Variants in DNAH6 observed in about 807,000 individuals in gnomAD.
DNAH6 encodes the protein dynein axonemal heavy chain 6.
In DNAH6, 340 loss-of-function variants were observed where a neutral mutation model predicts 491.4. That is an observed-to-expected ratio of 0.69 (90% CI 0.63 to 0.76). The LOEUF (loss-of-function observed/expected upper bound fraction) is 0.76, where lower values mean the gene tolerates loss of function less well. Ranked by LOEUF, DNAH6 falls within the 30% of genes least tolerant of loss-of-function variation. DNAH6 has a pLI of 0.00. For missense variants in DNAH6, 4,443 were observed against 4,972.2 expected (o/e 0.89, Z 3.20); for synonymous variants, 1,603 against 1,686.1 (o/e 0.95, Z 1.21).
chr2:84,519,097 C>A (rs1209496307), intron 2 of DNAH6, among the ~76,000 whole-genome samples: 1 of 152,044 alleles, frequency 6.6e-6, no homozygotes, highest in South Asian at 2.1e-4. Context: ...TCAGAAGAGA[C>A]TGCTTTAGAT....
At chr2:84,487,097 C>A in the DNAH6 span, among the ~76,000 whole-genome samples, 1 of 152,178 alleles carries the variant, frequency 6.6e-6, no homozygotes, top group African/African-American at 2.4e-5. Flanking sequence ...CTTTCTTATT[C>A]ATTTACCATA....
intron 58 of DNAH6, among the ~76,000 whole-genome samples, chr2:84,716,121 A>C (rs556745516): frequency 1.4e-4 from 21 of 150,294 alleles, no homozygotes; most frequent in South Asian, 1.3e-3. Flanking sequence ...ATATATATAC[A>C]CATATATACA....
Position 84,653,346 on chromosome 2 carries a change from A to G in DNAH6, c.5106A>G (p.Gly1702=). 6.5e-7 allele frequency: 1 copy of G among 1,536,682 alleles called. No homozygotes were observed. The highest frequency in any genetic ancestry group is 8.8e-7 in the Non-Finnish European group (1 of 1,138,826). The change falls in exon 34 of 77, where the codon GGA becomes GGG. Residue 1702 remains glycine, a synonymous_variant. Transcript: ENST00000389394. ...FSGIISDLFP[G]VQIPEHDYGI... ...GAATCATATCTGACCTTTTTCCTGG[A>G]GTCCAAATTCCAGAACATGATTATG...
chr2:84,782,121 A>G (rs900606710), intron 65 of DNAH6, among the ~76,000 whole-genome samples: 10 of 152,210 alleles, frequency 6.6e-5, no homozygotes, highest in Admixed American at 4.6e-4. Flanking sequence ...CACCTAACCC[A>G]TGGGCGTGCT....
At chr2:84,812,927 TG>T in intron 73 of DNAH6, 130 bp from the exon 74 acceptor site, 1 of 696,678 alleles carries the variant, frequency 1.4e-6, no homozygotes, top group Non-Finnish European at 2.5e-6. Flanking sequence ...GGCAGTGAAA[TG>T]GGGGTGGTGA....
chr2:84,755,266 G>GCTCTCTTGCC (rs906457787), intron 63 of DNAH6, among the ~76,000 whole-genome samples: 2 of 152,170 alleles, frequency 1.3e-5, no homozygotes, highest in Admixed American at 1.3e-4. Context: ...TTGCTGTCTT[G>GCTCTCTTGCC]CTCTCTTGCC....
rs1698267474 is a variant in DNAH6, at chr2:84,722,658, G to A, written c.9826G>A (p.Glu3276Lys). 1 of 1,550,220 alleles carries A rather than the reference G, an allele frequency of 6.5e-7. No individual in the cohort carries two copies. Among genetic ancestry groups the A allele is most frequent in the African/African-American group, 1.4e-5 (1 of 72,906 alleles). Residue 3276 changes from glutamate to lysine, a missense_variant, in exon 60 of 77, where the codon GAA (glutamate) becomes AAA (lysine). Around this residue, in one of 3 missense-constraint regions of DNAH6, gnomAD observed 1,463 missense variants for 1,656.6 expected, o/e 0.88. Coordinates refer to ENST00000389394, the MANE Select transcript of DNAH6 (RefSeq NM_001370.2). ...TGGTGCCATTAAAACCAGGCTGGAA[G>A]AAGCAGAGTCCACTGAGCAGATGAT... ...TSGAIKTRLE[E>K]AESTEQMINV...
the DNAH6 span, among the ~76,000 whole-genome samples, chr2:84,511,228 G>A: frequency 6.6e-6 from 1 of 152,164 alleles, no homozygotes; most frequent in African/African-American, 2.4e-5. Context: ...CACCCAGTTC[G>A]AGCTTCCTGG....
chr2:84,672,674 A>G (rs1692848336), intron 40 of DNAH6, among the ~76,000 whole-genome samples, 190 bp downstream of exon 40: 1 of 152,112 alleles, frequency 6.6e-6, no homozygotes, highest in South Asian at 2.1e-4. Context: ...TTTCTTCTGA[A>G]CACTCTTTCC....
chr2:84,792,350 A>G (rs1677841920), intron 68 of DNAH6, among the ~76,000 whole-genome samples: 1 of 152,228 alleles, frequency 6.6e-6, no homozygotes, highest in African/African-American at 2.4e-5. Flanking sequence ...CTTTAAATTA[A>G]TTTATCAAGA....
chr2:84,652,786 AAT>A (rs1297600263), intron 33 of DNAH6, among the ~76,000 whole-genome samples: 1 of 152,062 alleles, frequency 6.6e-6, no homozygotes, highest in African/African-American at 2.4e-5. Context: ...TTCCTATAGA[AAT>A]AGTCACATTT....
intron 64 of DNAH6, among the ~76,000 whole-genome samples, chr2:84,767,662 G>T (rs759666128): frequency 2.6e-5 from 4 of 152,058 alleles, no homozygotes; most frequent in Non-Finnish European, 5.9e-5. Flanking sequence ...AGATGGAAGA[G>T]AAGATAAGAG....
At chr2:84,628,298 T>C (rs961348245) in intron 29 of DNAH6, among the ~76,000 whole-genome samples, 1 of 152,174 alleles carries the variant, frequency 6.6e-6, no homozygotes, top group African/African-American at 2.4e-5. Flanking sequence ...AGGGCTGTTA[T>C]TTTCTGCCTT....
chr2:84,596,100 G>A (rs1018434479), intron 18 of DNAH6, among the ~76,000 whole-genome samples: 1 of 152,124 alleles, frequency 6.6e-6, no homozygotes, highest in Non-Finnish European at 1.5e-5. Flanking sequence ...GGAGCCAGAT[G>A]AGGCTGGGGT....
intron 3 of DNAH6, among the ~76,000 whole-genome samples, chr2:84,528,412 C>G (rs1296943884): frequency 6.6e-6 from 1 of 152,098 alleles, no homozygotes; most frequent in Non-Finnish European, 1.5e-5. Context: ...TAGTGATTCC[C>G]AACACTCAAT....
rs891828105 is a variant in DNAH6 at position 84,517,893 on chromosome 2, G to A, written c.67G>A (p.Ala23Thr). Residue 23 changes from alanine (A) to threonine (T), a missense_variant, in exon 2 of 77, where the codon GCA becomes ACA. By Grantham distance (58) the Ala-to-Thr change is moderately conservative. Coordinates refer to ENST00000389394, the MANE Select transcript of DNAH6 (RefSeq NM_001370.2). Reference protein sequence around the residue: ...TNIEEYAENSALSRLNNIKAK... With the variant: ...TNIEEYAENSTLSRLNNIKAK... ...TATTGAAGAGTATGCCGAAAATTCT[G>A]CACTTTCAAGACTGAATAATATAAA... 14 of 1,551,586 alleles carry A rather than the reference G, an allele frequency of 9.0e-6. No homozygotes were observed. In the African/African-American group the frequency reaches 1.6e-4, roughly 18 times the overall value.
At chr2:84,553,628 A>ACT (rs1679728017) in intron 10 of DNAH6, among the ~76,000 whole-genome samples, 1 of 90,996 alleles carries the variant, frequency 1.1e-5, no homozygotes, top group African/African-American at 4.4e-5. Flanking sequence ...AGGACTGGCT[A>ACT]TTTTTTTTTT....
In DNAH6 at chr2:84,579,623, A is replaced by C; in HGVS notation, c.2173A>C (p.Thr725Pro). 6.2e-7 allele frequency: 1 copy of C among 1,611,240 alleles called. No homozygotes were observed. Among genetic ancestry groups the C allele is most frequent in the South Asian group, 1.1e-5 (1 of 89,984 alleles). ...AGAGTATAAACTTGAGTTTGTTCCA[A>C]CTACTACCACAGAATATGTTCATAG... ...DAEYKLEFVP[T>P]TTTEYVHSLL... Residue 725 changes from threonine to proline, a missense_variant, in exon 14 of 77, where the codon ACT (threonine) becomes CCT (proline). This residue lies in a region of DNAH6 where 2,977 missense variants were observed against 3,296.6 expected (regional missense o/e 0.90). Coordinates refer to ENST00000389394, the MANE Select transcript of DNAH6 (RefSeq NM_001370.2).
chr2:84,653,526 T>TG lies in DNAH6; in HGVS notation c.5286_5287insG (p.Tyr1763ValfsTer25). 6.4e-7 allele frequency: 1 copy of TG among 1,551,312 alleles called. No homozygotes were observed. On this transcript the variant is annotated frameshift_variant, in exon 34 of 77. Transcript: ENST00000389394. LOFTEE classifies it high-confidence loss of function. Reference sequence around the variant, plus strand: ...CAACAGGAGGCGGCAAGACCACAGTTTACCGAATACTAGCAGAAACTTTAG... The same window carrying TG: ...CAACAGGAGGCGGCAAGACCACAGTTGTACCGAATACTAGCAGAAACTTTAG...
Sources: gnomAD v4.1 joint callset for allele counts (sites outside exome capture counted in the v4.1 genomes callset) on GRCh38, gnomAD v4.1.1 for gene constraint, gnomAD v4.1.1 regional missense constraint, MANE v1.5 for transcripts, NCBI Gene and HGNC (gene_info 2026-07-23, HGNC 2026-07-21) for gene names.